ASPA: variants seen among roughly 807,000 people sequenced by gnomAD.
ASPA encodes the protein ACY-2.
ASPA carries 25 observed loss-of-function variants against 29.6 expected under a neutral mutation model. That is an observed-to-expected ratio of 0.85 (90% CI 0.62 to 1.18). The LOEUF (loss-of-function observed/expected upper bound fraction) is 1.18. Ranked by LOEUF, ASPA falls within the 50% of genes most tolerant of loss-of-function variation. ASPA has a pLI of 0.00. For missense variants in ASPA, 333 were observed against 385.7 expected (o/e 0.86, Z 1.14); for synonymous variants, 131 against 130.3 (o/e 1.01, Z -0.04).
intron 5 of ASPA, 70 bp downstream of exon 5, chr17:3,494,529 C>A: frequency 7.8e-7 from 1 of 1,290,224 alleles, no homozygotes. Flanking sequence ...GTTTATAGCT[C>A]ATACAGCACT....
chr17:3,478,888 C>T (rs968029415), intron 1 of ASPA, among the ~76,000 whole-genome samples: 2 of 152,196 alleles, frequency 1.3e-5, no homozygotes, highest in Admixed American at 6.5e-5. Context: ...TCTAGTGGGT[C>T]ACTAAGTCCT....
rs757344785 is a variant in ASPA at position 3,498,843 on chromosome 17, A to C, written c.745-48A>C. 4 of 1,424,934 alleles carry C rather than the reference A, an allele frequency of 2.8e-6. No homozygotes were observed. The South Asian group carries it at 6.5e-5, about 23-fold the overall frequency. The allele number at this position is 1,424,934 out of a possible 1,614,324, so 88.3% of individuals were successfully genotyped here. ...TCTAGAGTCTGACATAAATTTTTAG[A>C]GGAGAAAAACCAAATATAATATATT... On this transcript the variant is annotated intron_variant, in intron 5 of 5. Transcript: ENST00000263080.
In ASPA at chr17:3,490,244, C is replaced by T. The variant is rs2073801173; in HGVS notation, c.634+902C>T. On this transcript the variant is annotated intron_variant, in intron 4 of 5. Transcript: ENST00000263080. This position sits in a 1 kb window ranked among gnomAD's most constrained non-coding sequence, Gnocchi z 4.6. ...AGAATAATGTATTTATGTATTATTTCTGTAATTAAAAATTAATTAAACGGG... is the reference window on the plus strand; with the variant it reads ...AGAATAATGTATTTATGTATTATTTTTGTAATTAAAAATTAATTAAACGGG... Among the ~76,000 whole-genome samples the T allele has an allele frequency of 6.6e-6, 1 of 152,078 alleles. No homozygotes were observed. The highest frequency in any genetic ancestry group is 6.5e-5 in the Admixed American group (1 of 15,270).
At chr17:3,477,116 C>G (rs2073537720) in intron 1 of ASPA, among the ~76,000 whole-genome samples, 1 of 151,952 alleles carries the variant, frequency 6.6e-6, no homozygotes, top group Non-Finnish European at 1.5e-5. Flanking sequence ...GATTGTGCCA[C>G]TGCACTCCAG....
chr17:3,501,490 T>C lies in ASPA; in HGVS notation c.*2402T>C, dbSNP rs1173810006. The C allele has an allele frequency of 6.5e-6, 1 of 152,870 alleles. No individual in the cohort carries two copies. Among genetic ancestry groups the C allele is most frequent in the African/African-American group, 2.4e-5 (1 of 41,468 alleles). The allele number at this position is 152,870 out of a possible 1,614,324, so 9.5% of individuals were successfully genotyped here. On this transcript the variant is annotated 3_prime_UTR_variant, in exon 6 of 6. Transcript: ENST00000263080. ...CTGCAATCTCATGATCACACTTGAA[T>C]GGATGAGGAGTCGCTTCTTATAAAT...
At chr17:3,484,593 G>A (rs1017664968) in intron 3 of ASPA, among the ~76,000 whole-genome samples, 2 of 152,208 alleles carry the variant, frequency 1.3e-5, no homozygotes, top group Non-Finnish European at 1.5e-5. Context: ...TATCTGTGAT[G>A]AAAGGCCATT....
In ASPA at chr17:3,499,936, C is replaced by T. The variant is rs1299598743; in HGVS notation, c.*848C>T. 6.6e-6 allele frequency: 1 copy of T among 152,170 alleles called. No homozygotes were observed. The highest frequency in any genetic ancestry group is 2.4e-5 in the African/African-American group (1 of 41,428). 9.4% of individuals were successfully genotyped at this position (152,170 alleles called of 1,614,324 possible). On this transcript the variant is annotated 3_prime_UTR_variant, in exon 6 of 6. Coordinates refer to ENST00000263080, the MANE Select transcript of ASPA (RefSeq NM_000049.4). ...GCACTGGTTAGCCAAGTTGTGAATT[C>T]AAAGAAAAGGATCTTGAAGAAAATT...
chr17:3,489,233 A>G lies in ASPA; in HGVS notation c.527-2A>G. On this transcript the variant is annotated splice_acceptor_variant, in intron 3 of 5. Coordinates refer to ENST00000263080, the MANE Select transcript of ASPA (RefSeq NM_000049.4). LOFTEE classifies it high-confidence loss of function. ...TGTGACTATCTCTCCTTCTGTACCTAGGTATAGAAGTTGGTCCTCAGCCTC... is the reference window on the plus strand; with the variant it reads ...TGTGACTATCTCTCCTTCTGTACCTGGGTATAGAAGTTGGTCCTCAGCCTC... The G allele has an allele frequency of 6.3e-7, 1 of 1,579,268 alleles. No homozygotes were observed. Among genetic ancestry groups the G allele is most frequent in the East Asian group, 2.2e-5 (1 of 44,610 alleles).
At chr17:3,484,407 A>G (rs140962482) in intron 3 of ASPA, among the ~76,000 whole-genome samples, 10 of 152,316 alleles carry the variant, frequency 6.6e-5, no homozygotes, top group African/African-American at 2.4e-4. Context: ...TAAATGCTAA[A>G]TAGGGGCAAT....
chr17:3,483,893 G>C (rs966514327), intron 3 of ASPA, among the ~76,000 whole-genome samples: 2 of 151,920 alleles, frequency 1.3e-5, no homozygotes, highest in Non-Finnish European at 2.9e-5. Flanking sequence ...CCTGACCTCA[G>C]GTGATGCACC....
rs1330605188 is a variant in ASPA at position 3,496,933 on chromosome 17, GC to G, written c.745-1957del. Among the ~76,000 whole-genome samples, 3 of 152,182 alleles carry G rather than the reference GC, an allele frequency of 2.0e-5. 1 individual carries two copies. Among genetic ancestry groups the G allele is most frequent in the Non-Finnish European group, 4.4e-5 (3 of 68,038 alleles). ...TACAAAAAATTAGCCGGGCATGGTG[GC>G]AGGCGCCTGTAATCCCAGCTACTCG... is the stretch of plus-strand genomic sequence containing the variant. On this transcript the variant is annotated intron_variant, in intron 5 of 5. Transcript: ENST00000263080.
chr17:3,489,280 T>A lies in ASPA; in HGVS notation c.572T>A (p.Ile191Asn), dbSNP rs1214856689. The A allele has an allele frequency of 1.9e-6, 3 of 1,613,228 alleles. No individual in the cohort carries two copies. The highest frequency in any genetic ancestry group is 2.5e-6 in the Non-Finnish European group (3 of 1,179,790). Residue 191 changes from isoleucine (I) to asparagine (N), a missense_variant, in exon 4 of 6, where the codon ATC becomes AAC. By Grantham distance (149) the Ile-to-Asn change is moderately radical (BLOSUM62 -3). Coordinates refer to ENST00000263080, the MANE Select transcript of ASPA (RefSeq NM_000049.4). ...CCTCAAGGGGTTCTGAGAGCTGATA[T>A]CTTGGATCAAATGAGAAAAATGATT... is the stretch of plus-strand genomic sequence containing the variant. ...PQPQGVLRAD[I>N]LDQMRKMIKH... is the part of the protein sequence containing the mutation.
intron 4 of ASPA, among the ~76,000 whole-genome samples, 161 bp downstream of exon 4, chr17:3,489,503 A>G (rs2073785901): frequency 6.6e-6 from 1 of 152,238 alleles, no homozygotes; most frequent in Non-Finnish European, 1.5e-5. Context: ...ACATTCAAGA[A>G]AAGCAGCTGC....
upstream of ASPA, chr17:3,475,859 C>T (rs186317878): frequency 2.2e-5 from 8 of 367,194 alleles, no homozygotes; most frequent in Admixed American, 1.7e-4. Flanking sequence ...TAATTTATTA[C>T]TGTATTTAGA....
intron 4 of ASPA, among the ~76,000 whole-genome samples, chr17:3,489,774 T>G (rs923375): frequency 2.0e-5 from 3 of 151,902 alleles, no homozygotes; most frequent in Non-Finnish European, 2.9e-5. Flanking sequence ...AGTGAACATA[T>G]AAGTTGGTAA....
At chr17:3,474,141 C>T (rs1183459482), upstream of ASPA, 1 of 152,128 alleles carries the variant, frequency 6.6e-6, no homozygotes, top group South Asian at 2.1e-4. Flanking sequence ...ATAAAGCTTT[C>T]CACAGAAGAC....
rs573048692 is a variant in ASPA at position 3,490,121 on chromosome 17, A to G, written c.634+779A>G. Among the ~76,000 whole-genome samples the G allele has an allele frequency of 1.1e-4, 17 of 152,320 alleles. No individual in the cohort carries two copies. Among genetic ancestry groups the G allele is most frequent in the African/African-American group, 3.1e-4 (13 of 41,574 alleles). On this transcript the variant is annotated intron_variant, in intron 4 of 5. Coordinates refer to ENST00000263080, the MANE Select transcript of ASPA (RefSeq NM_000049.4). The surrounding 1 kb of genome is among the most constrained non-coding windows in gnomAD (Gnocchi z 4.6). ...ATACATATATATGTTAACACATCACAGGGAAAGTCCTAGAAGAAAACACAC... is the reference window on the plus strand; with the variant it reads ...ATACATATATATGTTAACACATCACGGGGAAAGTCCTAGAAGAAAACACAC...
At chr17:3,474,836 C>G (rs149223364), upstream of ASPA, among the ~76,000 whole-genome samples, 16 of 152,256 alleles carry the variant, frequency 1.1e-4, no homozygotes, top group Non-Finnish European at 2.1e-4. Context: ...CCAAAAATAA[C>G]AGAGAGGCAC....
Position 3,477,325 on chromosome 17 carries a change from G to A in ASPA, c.236+930G>A, listed in dbSNP as rs769479511. 2.0e-5 allele frequency among the ~76,000 whole-genome samples: 3 copies of A among 152,266 alleles called. No homozygotes were observed. The South Asian group carries it at 6.2e-4, about 32-fold the overall frequency. The stretch of plus-strand genomic sequence containing the variant: ...ATATTTTGCTGATTTGTAATATATT[G>A]CATACAACGTAAGCAGTCATAACAT... On this transcript the variant is annotated intron_variant, in intron 1 of 5. Transcript: ENST00000263080.
Sources: allele counts gnomAD v4.1 joint callset (sites outside exome capture counted in the v4.1 genomes callset), GRCh38; gene constraint gnomAD v4.1.1; non-coding constraint Gnocchi (gnomAD v3.1); transcripts MANE v1.5; gene names NCBI Gene and HGNC (gene_info 2026-07-23, HGNC 2026-07-21).